MYH3: variants seen among roughly 807,000 people sequenced by gnomAD.
MYH3 encodes myosin-3.
A neutral mutation model predicts 238.0 loss-of-function variants in MYH3; 130 were observed. That is an observed-to-expected ratio of 0.55 (90% CI 0.47 to 0.63). The LOEUF (loss-of-function observed/expected upper bound fraction) is 0.63, where lower values mean the gene tolerates loss of function less well. Ranked by LOEUF, MYH3 falls within the 30% of genes least tolerant of loss-of-function variation. MYH3 has a pLI of 0.00. For synonymous variants in MYH3, 880 were observed against 924.1 expected (o/e 0.95, Z 0.86); for missense variants, 1,853 against 2,374.9 (o/e 0.78, Z 4.57).
chr17:10,649,113 C>T (rs2074350869), intron 7 of MYH3, among the ~76,000 whole-genome samples: 1 of 152,226 alleles, frequency 6.6e-6, no homozygotes, highest in Admixed American at 6.5e-5. Flanking sequence ...ATGTCTTACT[C>T]AAAACACTTT....
At chr17:10,660,037 G>A (rs1261466838), upstream of MYH3, among the ~76,000 whole-genome samples, 2 of 152,248 alleles carry the variant, frequency 1.3e-5, no homozygotes, top group Admixed American at 1.3e-4. Context: ...ATGGAGCTGA[G>A]AGTCCTACAG....
intron 5 of MYH3, among the ~76,000 whole-genome samples, chr17:10,650,967 T>C (rs1181301003): frequency 6.6e-6 from 1 of 152,044 alleles, no homozygotes; most frequent in Non-Finnish European, 1.5e-5. Flanking sequence ...GGCAGGCAGA[T>C]CACGAGGTCA....
chr17:10,630,221 G>A (rs778957686), intron 37 of MYH3, 25 bp from the exon 38 acceptor site: 2 of 1,614,052 alleles, frequency 1.2e-6, no homozygotes, highest in Non-Finnish European at 1.7e-6. Context: ...GGGGAAATTA[G>A]TCTGGGGCTG....
chr17:10,640,596 A>G lies in MYH3; in HGVS notation c.2256T>C (p.Ile752=). 6.2e-7 allele frequency: 1 copy of G among 1,614,262 alleles called. No homozygotes were observed. The highest frequency in any genetic ancestry group is 8.5e-7 in the Non-Finnish European group (1 of 1,180,044). The stretch of plus-strand genomic sequence containing the variant: ...GTCCAAATTTGTACTGAGTGTGGTC[A>G]ATATCAATGGATGCCAGAAGCTTTT... ...ACEKLLASID[I]DHTQYKFGHT... Residue 752 remains isoleucine, a synonymous_variant, in exon 20 of 41, where the codon ATT becomes ATC. Coordinates refer to ENST00000583535, the MANE Select transcript of MYH3 (RefSeq NM_002470.4).
chr17:10,635,128 T>A (rs755504982), intron 30 of MYH3, 105 bp from the exon 31 acceptor site: 66 of 1,389,298 alleles, frequency 4.8e-5, no homozygotes, highest in Non-Finnish European at 6.5e-5. Context: ...CAGACACCCA[T>A]GTGTTTTTAT....
the MYH3 span, among the ~76,000 whole-genome samples, chr17:10,668,551 T>C: frequency 2.0e-5 from 3 of 152,088 alleles, no homozygotes; most frequent in East Asian, 3.9e-4. Context: ...AAAAGAACAA[T>C]CTGATGAGAC....
chr17:10,643,889 G>A (rs1021739027), intron 14 of MYH3, among the ~76,000 whole-genome samples: 1 of 152,066 alleles, frequency 6.6e-6, no homozygotes, highest in African/African-American at 2.4e-5. Flanking sequence ...GCCAGGTGCG[G>A]TGGCTCATGC....
chr17:10,639,366 G>C lies in MYH3; in HGVS notation c.3034C>G (p.Gln1012Glu). 1 of 1,614,150 alleles carries C rather than the reference G, an allele frequency of 6.2e-7. No individual in the cohort carries two copies. The highest frequency in any genetic ancestry group is 1.3e-5 in the African/African-American group (1 of 75,042). Residue 1012 changes from glutamine (Q) to glutamate (E), a missense_variant, in exon 24 of 41, where the codon CAA becomes GAA. By Grantham distance (29) the Gln-to-Glu change is conservative. Around this residue, in one of 3 missense-constraint regions of MYH3, gnomAD observed 1,044 missense variants for 1,192.6 expected, o/e 0.88. Transcript: ENST00000583535. The part of the protein sequence containing the change: ...EAHQQALDDL[Q>E]AEEDKVNSLN... ...GAATTGACTTTGTCTTCTTCAGCTT[G>C]GAGGTCATCCAAGGCCTGCTGGTGC...
At chr17:10,671,733 C>T in the MYH3 span, among the ~76,000 whole-genome samples, 2 of 151,928 alleles carry the variant, frequency 1.3e-5, no homozygotes, top group Admixed American at 1.3e-4. Flanking sequence ...GCACCGGCCA[C>T]CACGCCCGGC....
At chr17:10,668,561 C>A in the MYH3 span, among the ~76,000 whole-genome samples, 2 of 152,122 alleles carry the variant, frequency 1.3e-5, no homozygotes, top group Non-Finnish European at 2.9e-5. Flanking sequence ...TCTGATGAGA[C>A]ATTTGGGGGA....
At chr17:10,637,759 A>T in intron 28 of MYH3, 50 bp downstream of exon 28, 1 of 1,612,770 alleles carries the variant, frequency 6.2e-7, no homozygotes, top group East Asian at 2.2e-5. Context: ...AGCTACGCCC[A>T]TTGGGTGCCA....
At chr17:10,633,808 T>G in intron 32 of MYH3, 93 bp from the exon 33 acceptor site, 1 of 1,567,184 alleles carries the variant, frequency 6.4e-7, no homozygotes, top group Non-Finnish European at 8.7e-7. Context: ...ACCTGGTTTA[T>G]TATAATCCTA....
rs1349964660 is a variant in MYH3, at chr17:10,641,428, G to C, written c.1960-56C>G. On this transcript the variant is annotated intron_variant, in intron 17 of 40. Transcript: ENST00000583535. ...CCTACTGTAGGTTTTTATGAAGACA[G>C]AGATCCATTGTAATGAAATAAGATC... 1.1e-5 allele frequency: 14 copies of C among 1,232,922 alleles called. No homozygotes were observed. The African/African-American group carries it at 1.3e-4, about 12-fold the overall frequency. 76.4% of individuals were successfully genotyped at this position (1,232,922 alleles called of 1,614,324 possible). A position where few individuals can be genotyped will look rare whatever the true frequency, so the allele number is the denominator to read the frequency against.
chr17:10,633,378 G>T (rs2074183483), intron 33 of MYH3, among the ~76,000 whole-genome samples: 1 of 151,932 alleles, frequency 6.6e-6, no homozygotes, highest in Non-Finnish European at 1.5e-5. Context: ...TCATCTTTAG[G>T]CCTATTTAAT....
intron 2 of MYH3, 25 bp downstream of exon 2, chr17:10,656,065 C>T (rs928821250): frequency 4.6e-5 from 7 of 152,202 alleles, no homozygotes; most frequent in Non-Finnish European, 8.8e-5. Flanking sequence ...CTCCAACAGC[C>T]GAGGGACAGG....
rs1010747871 is a variant in MYH3 at position 10,652,344 on chromosome 17, C to A, written c.348+76G>T. 110 of 1,554,812 alleles carry A rather than the reference C, an allele frequency of 7.1e-5. No homozygotes were observed. In the African/African-American group the frequency reaches 1.4e-3, roughly 20 times the overall value. ...TCATCTTCCAGAATCCCACGGCCCACACACATACCTCTGCCTCCCTCCCCT... is the reference window on the plus strand; with the variant it reads ...TCATCTTCCAGAATCCCACGGCCCAAACACATACCTCTGCCTCCCTCCCCT... On this transcript the variant is annotated intron_variant, in intron 4 of 40. Coordinates refer to ENST00000583535, the MANE Select transcript of MYH3 (RefSeq NM_002470.4).
chr17:10,633,115 G>A (rs1311789601), intron 33 of MYH3, among the ~76,000 whole-genome samples: 1 of 152,122 alleles, frequency 6.6e-6, no homozygotes, highest in Non-Finnish European at 1.5e-5. Flanking sequence ...GGGAGGCTGA[G>A]GCAGGAGAAT....
At chr17:10,658,270 C>A (rs1252051370), upstream of MYH3, among the ~76,000 whole-genome samples, 1 of 151,978 alleles carries the variant, frequency 6.6e-6, no homozygotes, top group Non-Finnish European at 1.5e-5. Context: ...TTTTTCTTGA[C>A]AAATCTTTGG....
chr17:10,658,386 G>A (rs989387778), upstream of MYH3, among the ~76,000 whole-genome samples: 8 of 152,090 alleles, frequency 5.3e-5, no homozygotes, highest in Admixed American at 6.6e-5. Flanking sequence ...ACCAAGCCCC[G>A]AAGTGGAGGC....
Sources: allele counts gnomAD v4.1 joint callset (sites outside exome capture counted in the v4.1 genomes callset), GRCh38; gene constraint gnomAD v4.1.1; regional missense constraint gnomAD v4.1.1; transcripts MANE v1.5; gene names NCBI Gene and HGNC (gene_info 2026-07-23, HGNC 2026-07-21).